Variants in MICU1 observed in about 807,000 individuals in gnomAD.
MICU1 encodes the protein calcium uptake protein 1, mitochondrial.
Under a neutral mutation model 56.8 loss-of-function variants are expected in MICU1, and 45 were observed. The observed-to-expected ratio is 0.79, with a 90% CI of 0.62 to 1.02. The LOEUF (loss-of-function observed/expected upper bound fraction) is 1.02. MICU1 is among the 50% of genes least tolerant of loss of function. The pLI is 0.00. For missense variants in MICU1, 504 were observed against 587.1 expected, an observed-to-expected ratio of 0.86 and a Z score of 1.46; for synonymous variants, 186 against 195.1, an observed-to-expected ratio of 0.95 and a Z score of 0.39.
chr10:72,465,503 CTTTTTTTTTTTTTT>C (rs10586216), intron 8 of MICU1, among the ~76,000 whole-genome samples: 3 of 57,776 alleles, frequency 5.2e-5, no homozygotes, highest in Admixed American at 3.1e-4. Flanking sequence ...CTGTTCAGGT[CTTTTTTTTTTTTTT>C]TTTTTTTTTT....
intron 8 of MICU1, among the ~76,000 whole-genome samples, chr10:72,444,093 A>T (rs1865026983): frequency 6.6e-6 from 1 of 152,064 alleles, no homozygotes; most frequent in Non-Finnish European, 1.5e-5. Flanking sequence ...GAAGTTGGAA[A>T]TCATCATTCT....
chr10:72,464,801 G>A (rs1304539002), intron 8 of MICU1, among the ~76,000 whole-genome samples: 2 of 152,028 alleles, frequency 1.3e-5, no homozygotes, highest in African/African-American at 4.8e-5. Flanking sequence ...GAGAATAAAG[G>A]GAATTGCAAG....
chr10:72,525,964 C>G (rs1398625721), intron 5 of MICU1, among the ~76,000 whole-genome samples: 1 of 152,124 alleles, frequency 6.6e-6, no homozygotes, highest in African/African-American at 2.4e-5. Context: ...GTTTTTCATA[C>G]CAATTCAGCA....
chr10:72,473,149 C>T (rs1866000185), intron 8 of MICU1: 1 of 151,952 alleles, frequency 6.6e-6, no homozygotes. Context: ...ACCCAAAACA[C>T]TTCTAATAGT....
intron 1 of MICU1, among the ~76,000 whole-genome samples, chr10:72,586,920 CTG>C (rs1202462557): frequency 6.6e-6 from 1 of 152,164 alleles, no homozygotes; most frequent in Admixed American, 6.5e-5. Flanking sequence ...GAAAATAACA[CTG>C]TGTGAAAACC....
intron 10 of MICU1, among the ~76,000 whole-genome samples, chr10:72,381,260 A>G (rs1235098074): frequency 6.6e-6 from 1 of 152,204 alleles, no homozygotes; most frequent in Non-Finnish European, 1.5e-5. Flanking sequence ...GCAGTGGAGA[A>G]AATCAAAAGC....
At chr10:72,438,895 C>G (rs973454301) in intron 8 of MICU1, among the ~76,000 whole-genome samples, 8 of 152,146 alleles carry the variant, frequency 5.3e-5, no homozygotes, top group African/African-American at 7.2e-5. Context: ...CTCTGAAATT[C>G]AGGCAATAAT....
chr10:72,473,950 G>A (rs1866025812), intron 8 of MICU1, among the ~76,000 whole-genome samples: 1 of 151,826 alleles, frequency 6.6e-6, no homozygotes, highest in African/African-American at 2.4e-5. Flanking sequence ...TATTAAGGTA[G>A]GGCGTGTGTT....
Position 72,368,324 on chromosome 10 carries a change from A to G in MICU1, c.1302T>C (p.Val434=). ...TCATCAGCCGTTGCTTCATGATGGA[A>G]ACAAATTCCTTATTGCTCAGTTCGC... The part of the protein sequence containing the change: ...GNGELSNKEF[V]SIMKQRLMRG... The change falls in exon 12 of 12, where the codon GTT becomes GTC. Residue 434 remains valine (V), a synonymous_variant. Coordinates refer to ENST00000361114, the MANE Select transcript of MICU1 (RefSeq NM_001195518.2). The G allele has an allele frequency of 6.2e-7, 1 of 1,613,992 alleles. No homozygotes were observed. The highest frequency in any genetic ancestry group is 8.5e-7 in the Non-Finnish European group (1 of 1,179,858).
chr10:72,500,548 C>T (rs1867037046), intron 6 of MICU1, among the ~76,000 whole-genome samples: 1 of 151,636 alleles, frequency 6.6e-6, no homozygotes, highest in African/African-American at 2.4e-5. Context: ...TCTCCAACTC[C>T]TGACCTCGAA....
intron 9 of MICU1, among the ~76,000 whole-genome samples, chr10:72,416,587 C>T (rs1213192511): frequency 6.6e-6 from 1 of 152,170 alleles, no homozygotes; most frequent in Non-Finnish European, 1.5e-5. Flanking sequence ...GTACTAACTG[C>T]TTAATGGCTA....
At chr10:72,593,907 T>C (rs1015994660) in intron 1 of MICU1, among the ~76,000 whole-genome samples, 1 of 152,194 alleles carries the variant, frequency 6.6e-6, no homozygotes, top group Non-Finnish European at 1.5e-5. Flanking sequence ...AGCTCGTGGA[T>C]TGGAAGACTT....
At chr10:72,371,221 T>C (rs1047942679) in intron 11 of MICU1, among the ~76,000 whole-genome samples, 3 of 146,692 alleles carry the variant, frequency 2.0e-5, no homozygotes, top group African/African-American at 7.6e-5. Context: ...TCGTCTCTAC[T>C]AAAAATACAA....
chr10:72,576,888 C>T (rs985314959), intron 1 of MICU1, among the ~76,000 whole-genome samples: 1 of 152,136 alleles, frequency 6.6e-6, no homozygotes, highest in Admixed American at 6.6e-5. Flanking sequence ...AAGAATTATG[C>T]TATATCTCAC....
At chr10:72,524,034 GA>G in intron 5 of MICU1, 1 of 1,209,826 alleles carries the variant, frequency 8.3e-7, no homozygotes. Context: ...AATTTCAAAA[GA>G]AAAAAAGATT....
At chr10:72,601,647 T>C (rs1841538631) in intron 1 of MICU1, among the ~76,000 whole-genome samples, 1 of 152,006 alleles carries the variant, frequency 6.6e-6, no homozygotes, top group South Asian at 2.1e-4. Flanking sequence ...ATGTAATTTT[T>C]CTGTGATACA....
At chr10:72,467,052 G>A (rs898767359) in intron 8 of MICU1, among the ~76,000 whole-genome samples, 1 of 151,758 alleles carries the variant, frequency 6.6e-6, no homozygotes, top group African/African-American at 2.4e-5. Flanking sequence ...AGGCTGGAGT[G>A]CAGTAGTGCA....
At chr10:72,566,061 T>TC (rs1482355303) in intron 2 of MICU1, among the ~76,000 whole-genome samples, 3 of 148,014 alleles carry the variant, frequency 2.0e-5, no homozygotes, top group Non-Finnish European at 3.0e-5. Flanking sequence ...TTTTTTTTTT[T>TC]TGGAGACAGT....
At chr10:72,566,300 G>A (rs563195616) in intron 2 of MICU1, among the ~76,000 whole-genome samples, 1 of 151,936 alleles carries the variant, frequency 6.6e-6, no homozygotes, top group African/African-American at 2.4e-5. Context: ...ACCACCTTGG[G>A]CTCCCAAAGT....
Sources: allele counts gnomAD v4.1 joint callset (sites outside exome capture counted in the v4.1 genomes callset), GRCh38; gene constraint gnomAD v4.1.1; transcripts MANE v1.5; gene names NCBI Gene and HGNC (gene_info 2026-07-23, HGNC 2026-07-21).